Variants in PLEKHA6 observed in about 807,000 individuals in gnomAD.
The protein encoded by PLEKHA6 is pleckstrin homology domain-containing family A member 6.
PLEKHA6 carries 60 observed loss-of-function variants against 116.7 expected under a neutral mutation model. That is an observed-to-expected ratio of 0.51 (90% confidence interval 0.42 to 0.64). The LOEUF (loss-of-function observed/expected upper bound fraction) is 0.64, where lower values mean the gene tolerates loss of function less well. Among genes scored for constraint, PLEKHA6 ranks in the 30% least tolerant of loss-of-function variants. The pLI is 0.00. For missense variants in PLEKHA6, 1,338 were observed against 1,422.7 expected, an observed-to-expected ratio of 0.94 and a Z score of 0.96; for synonymous variants, 489 against 556.1, an observed-to-expected ratio of 0.88 and a Z score of 1.70.
At chr1:204,312,841 A>ATTTTCTTTTCTTTTCTTTTCTTTTC (rs138741377) in intron 1 of PLEKHA6, among the ~76,000 whole-genome samples, 206 of 140,592 alleles carry the variant, frequency 1.5e-3, no homozygotes, top group South Asian at 9.6e-3. Context: ...CCCTTAGCCC[A>ATTTTCTTTTCTTTTCTTTTCTTTTC]TTTTCTTTTC....
At chr1:204,307,787 G>A in intron 1 of PLEKHA6, 1 of 768,992 alleles carries the variant, frequency 1.3e-6, no homozygotes, top group Non-Finnish European at 1.6e-6. Context: ...GCCCAGAGGT[G>A]CAGGCACTGG....
intron 12 of PLEKHA6, among the ~76,000 whole-genome samples, chr1:204,247,788 C>A (rs1663940991): frequency 6.6e-6 from 1 of 152,144 alleles, no homozygotes; most frequent in Non-Finnish European, 1.5e-5. Flanking sequence ...AAGACCCCAT[C>A]TCTACAAATT....
intron 1 of PLEKHA6, among the ~76,000 whole-genome samples, chr1:204,291,756 G>A (rs1293705864): frequency 3.3e-5 from 5 of 152,270 alleles, no homozygotes; most frequent in East Asian, 1.9e-4. Context: ...GAAAGCAGAC[G>A]GGTGGTTGCC....
chr1:204,292,204 C>A (rs566506992), intron 1 of PLEKHA6, among the ~76,000 whole-genome samples: 4 of 152,314 alleles, frequency 2.6e-5, no homozygotes, highest in Admixed American at 6.5e-5. Flanking sequence ...GGGAAAATAT[C>A]AAATAAAATC....
At chr1:204,252,284 A>T (rs1170208598) in intron 9 of PLEKHA6, among the ~76,000 whole-genome samples, 1 of 151,230 alleles carries the variant, frequency 6.6e-6, no homozygotes, top group Non-Finnish European at 1.5e-5. Flanking sequence ...CCTTAGGAAC[A>T]TGGAGGTGGA....
intron 1 of PLEKHA6, among the ~76,000 whole-genome samples, chr1:204,321,627 T>G (rs533621414): frequency 6.3e-4 from 96 of 152,172 alleles, no homozygotes; most frequent in Non-Finnish European, 1.2e-3. Flanking sequence ...CACTTTTTAC[T>G]TCCACCCAGG....
intron 1 of PLEKHA6, among the ~76,000 whole-genome samples, chr1:204,314,193 A>G (rs530788385): frequency 2.6e-5 from 4 of 152,282 alleles, no homozygotes; most frequent in African/African-American, 7.2e-5. Context: ...GCCCTCAAAC[A>G]GATTGATAAT....
intron 1 of PLEKHA6, among the ~76,000 whole-genome samples, chr1:204,348,633 G>T (rs1183759366): frequency 5.3e-5 from 8 of 152,000 alleles, no homozygotes; most frequent in South Asian, 4.2e-4. Flanking sequence ...TATTTATAGG[G>T]TCAGCATTTG....
chr1:204,322,187 GA>G (rs147126614), intron 1 of PLEKHA6, among the ~76,000 whole-genome samples: 7,381 of 152,268 alleles, frequency 0.048, 269 homozygotes, highest in Non-Finnish European at 0.073. Flanking sequence ...AGAGGCAGCA[GA>G]GCTTGCACAG....
At position 204,311,571 on chromosome 1, in the gene PLEKHA6, C is replaced by T; in HGVS notation, c.-94-36762G>A. On this transcript the variant is annotated intron_variant, in intron 1 of 22. Transcript: ENST00000272203. ...GCAGATTAAGGCTTCTTGAGTGTAA[C>T]AAAAAAAAACTAATGATAACTGCCA... is the stretch of plus-strand genomic sequence containing the variant. 3.2e-6 allele frequency: 3 copies of T among 946,338 alleles called. No homozygotes were observed. In the South Asian group the frequency reaches 1.5e-4, roughly 46 times the overall value. The allele number at this position is 946,338 out of a possible 1,614,324, so 58.6% of individuals were successfully genotyped here.
rs1373660865 is a variant in PLEKHA6, at chr1:204,257,409, C to A, written c.1468G>T (p.Asp490Tyr). 4 of 1,564,050 alleles carry A rather than the reference C, an allele frequency of 2.6e-6. No individual in the cohort carries two copies. The African/African-American group carries it at 5.4e-5, about 21-fold the overall frequency. ...TAGGCAGCAGGGTCAGCATAGATGT[C>A]CTCACTGCGAGGTGGCAGCCGCTCA... ...RFERLPPRSE[D>Y]IYADPAAYVM... The change falls in exon 9 of 23, where the codon GAC becomes TAC. Residue 490 changes from aspartate to tyrosine, a missense_variant. Around this residue, in one of 3 missense-constraint regions of PLEKHA6, gnomAD observed 1,136 missense variants for 1,163.6 expected, o/e 0.98. Coordinates refer to ENST00000272203, the MANE Select transcript of PLEKHA6 (RefSeq NM_014935.5). This position sits in a 1 kb window ranked among gnomAD's most constrained non-coding sequence, Gnocchi z 6.5.
intron 1 of PLEKHA6, chr1:204,317,137 T>A: frequency 2.0e-6 from 1 of 506,314 alleles, no homozygotes; most frequent in Non-Finnish European, 2.6e-6. Flanking sequence ...CTTCTGAGCA[T>A]AAAATAACTT....
chr1:204,263,935 T>A (rs998024462), intron 6 of PLEKHA6, among the ~76,000 whole-genome samples: 1 of 152,132 alleles, frequency 6.6e-6, no homozygotes, highest in African/African-American at 2.4e-5. Context: ...CCTTCCTTGC[T>A]CCCTGTAGCG....
chr1:204,256,800 A>G, intron 9 of PLEKHA6: 1 of 623,314 alleles, frequency 1.6e-6, no homozygotes, highest in East Asian at 3.0e-5. Context: ...GAAAGGACGT[A>G]CCATCTTATC....
At chr1:204,348,414 C>T (rs1424611458) in intron 1 of PLEKHA6, among the ~76,000 whole-genome samples, 2 of 152,050 alleles carry the variant, frequency 1.3e-5, no homozygotes, top group Admixed American at 6.5e-5. Flanking sequence ...ATGCCTTGCC[C>T]GTTCTTCTGT....
At chr1:204,354,349 G>T (rs1673361870) in intron 1 of PLEKHA6, among the ~76,000 whole-genome samples, 1 of 152,206 alleles carries the variant, frequency 6.6e-6, no homozygotes, top group Non-Finnish European at 1.5e-5. Context: ...TTCACACGGT[G>T]AGGACCAATC....
intron 6 of PLEKHA6, among the ~76,000 whole-genome samples, chr1:204,262,593 G>C (rs1433199615): frequency 6.6e-6 from 1 of 152,100 alleles, no homozygotes; most frequent in East Asian, 1.9e-4. Context: ...GGGTCTCTGG[G>C]GGTTGAGATA....
chr1:204,352,725 C>G lies in PLEKHA6; in HGVS notation c.-95+6969G>C, dbSNP rs368762038. On this transcript the variant is annotated intron_variant, in intron 1 of 22. Coordinates refer to ENST00000272203, the MANE Select transcript of PLEKHA6 (RefSeq NM_014935.5). ...TTTGACCGGTCACAGTGGCTCACGC[C>G]TGTAGTCCCAATACTTTGGGAGGCC... Among the ~76,000 whole-genome samples the G allele has an allele frequency of 2.1e-4, 32 of 152,286 alleles. 1 individual carries two copies. The highest frequency in any genetic ancestry group is 3.4e-3 in the Middle Eastern group (1 of 294).
At chr1:204,337,828 C>A (rs372827687) in intron 1 of PLEKHA6, among the ~76,000 whole-genome samples, 2 of 152,272 alleles carry the variant, frequency 1.3e-5, no homozygotes, top group African/African-American at 4.8e-5. Flanking sequence ...ACGCACACAC[C>A]CAAAGATGAG....
Sources: gnomAD v4.1 joint callset for allele counts (sites outside exome capture counted in the v4.1 genomes callset) on GRCh38, gnomAD v4.1.1 for gene constraint, gnomAD v4.1.1 regional missense constraint, Gnocchi (gnomAD v3.1) non-coding constraint, MANE v1.5 for transcripts, NCBI Gene and HGNC (gene_info 2026-07-23, HGNC 2026-07-21) for gene names.